Variants in TTC7B observed in about 807,000 individuals in gnomAD.
The protein encoded by TTC7B is tetratricopeptide repeat protein 7B.
TTC7B carries 28 observed loss-of-function variants against 106.8 expected under a neutral mutation model. The observed-to-expected ratio is 0.26, with a 90% CI of 0.19 to 0.36. The LOEUF (loss-of-function observed/expected upper bound fraction) is 0.36, where lower values mean the gene tolerates loss of function less well. TTC7B is among the 10% of genes least tolerant of loss of function. The pLI, the probability that TTC7B is intolerant of heterozygous loss-of-function variation, is 1.00. For synonymous variants in TTC7B, 405 were observed against 430.6 expected, an observed-to-expected ratio of 0.94 and a Z score of 0.74; for missense variants, 862 against 1,076.4, an observed-to-expected ratio of 0.80 and a Z score of 2.79.
intron 9 of TTC7B, among the ~76,000 whole-genome samples, chr14:90,660,418 AAAAG>A (rs1190965382): frequency 1.1e-3 from 151 of 138,328 alleles, no homozygotes; most frequent in Non-Finnish European, 1.9e-3. Context: ...AAAAAAAAAA[AAAAG>A]AAAAGAAAAG....
At chr14:90,815,978 C>G (rs2031155618) in intron 1 of TTC7B, among the ~76,000 whole-genome samples, 197 bp downstream of exon 1, 1 of 151,486 alleles carries the variant, frequency 6.6e-6, no homozygotes, top group Non-Finnish European at 1.5e-5. Context: ...GGCGCCCCCC[C>G]GGGCCCCCAC....
At chr14:90,668,049 C>T (rs1248436271) in intron 9 of TTC7B, among the ~76,000 whole-genome samples, 1 of 151,856 alleles carries the variant, frequency 6.6e-6, no homozygotes, top group East Asian at 1.9e-4. Context: ...CTTCATGTTT[C>T]CCCTTGGCTC....
At chr14:90,674,952 A>G (rs1269194595) in intron 9 of TTC7B, among the ~76,000 whole-genome samples, 1 of 152,192 alleles carries the variant, frequency 6.6e-6, no homozygotes, top group African/African-American at 2.4e-5. Context: ...GGAGCTACAT[A>G]TGATATCAAG....
At chr14:90,735,704 A>T (rs186409401) in intron 4 of TTC7B, among the ~76,000 whole-genome samples, 8,713 of 147,554 alleles carry the variant, frequency 0.059, 307 homozygotes, top group Non-Finnish European at 0.078. Flanking sequence ...TTTTTTAAAT[A>T]TTTTTTTTTT....
At chr14:90,804,160 C>A (rs1012925738) in intron 1 of TTC7B, among the ~76,000 whole-genome samples, 1 of 151,922 alleles carries the variant, frequency 6.6e-6, no homozygotes, top group South Asian at 2.1e-4. Flanking sequence ...ACGGTGAAAC[C>A]CCGTCTCTAC....
At chr14:90,700,555 TTA>T (rs1309693761) in intron 5 of TTC7B, among the ~76,000 whole-genome samples, 1 of 151,782 alleles carries the variant, frequency 6.6e-6, no homozygotes, top group East Asian at 2.0e-4. Context: ...GAGCACCATC[TTA>T]TATTCCCAGA....
rs138672526 is a variant in TTC7B at position 90,808,713 on chromosome 14, C to T, written c.121+7462G>A. Among the ~76,000 whole-genome samples, 33 of 152,302 alleles carry T rather than the reference C, an allele frequency of 2.2e-4. No homozygotes were observed. Among genetic ancestry groups the T allele is most frequent in the African/African-American group, 6.3e-4 (26 of 41,562 alleles). ...GAATGCTTTTGAGGTCTCAGAAAAC[C>T]TCATCCCTCTTCCTGGGCTTCCCAG... On this transcript the variant is annotated intron_variant, in intron 1 of 19. Transcript: ENST00000328459. The surrounding 1 kb of genome is among the most constrained non-coding windows in gnomAD (Gnocchi z 4.2).
intron 4 of TTC7B, among the ~76,000 whole-genome samples, chr14:90,737,245 T>C (rs1889570689): frequency 6.6e-6 from 1 of 152,160 alleles, no homozygotes; most frequent in Non-Finnish European, 1.5e-5. Context: ...AGTTACCACA[T>C]GACCCAGAAA....
chr14:90,694,665 A>G, intron 6 of TTC7B, among the ~76,000 whole-genome samples: 1 of 135,274 alleles, frequency 7.4e-6, no homozygotes, highest in South Asian at 2.3e-4. Flanking sequence ...TATTTATTAT[A>G]AATATATGTA....
At chr14:90,614,877 G>A (rs1181202240) in intron 16 of TTC7B, among the ~76,000 whole-genome samples, 2 of 152,202 alleles carry the variant, frequency 1.3e-5, no homozygotes, top group Non-Finnish European at 2.9e-5. Context: ...ACCTTCTGGT[G>A]AGATTCTGGT....
chr14:90,589,919 A>G (rs1856116986), intron 18 of TTC7B, among the ~76,000 whole-genome samples: 1 of 152,250 alleles, frequency 6.6e-6, no homozygotes, highest in South Asian at 2.1e-4. Flanking sequence ...TGGTCTAACC[A>G]TACAGTAGAC....
chr14:90,628,652 G>T (rs1329006869), intron 15 of TTC7B, among the ~76,000 whole-genome samples: 2 of 152,232 alleles, frequency 1.3e-5, no homozygotes, highest in African/African-American at 4.8e-5. Flanking sequence ...GCCTGGCAGG[G>T]CACTGGGAAG....
chr14:90,800,981 T>C (rs1414552824), intron 1 of TTC7B, among the ~76,000 whole-genome samples: 1 of 151,596 alleles, frequency 6.6e-6, no homozygotes, highest in Non-Finnish European at 1.5e-5. Context: ...TGCCCAGGAG[T>C]TTGAGACCAG....
intron 15 of TTC7B, among the ~76,000 whole-genome samples, chr14:90,636,677 A>T (rs2139871563): frequency 6.6e-6 from 1 of 152,206 alleles, no homozygotes; most frequent in South Asian, 2.1e-4. Context: ...ACCAATTTCA[A>T]ATGTATATAT....
chr14:90,628,629 T>C (rs1488837102), intron 15 of TTC7B, among the ~76,000 whole-genome samples: 5 of 152,086 alleles, frequency 3.3e-5, no homozygotes, highest in Non-Finnish European at 5.9e-5. Flanking sequence ...AGGAGGGAAC[T>C]AGGAAGGAAG....
intron 9 of TTC7B, among the ~76,000 whole-genome samples, chr14:90,658,872 G>A (rs1014740199): frequency 6.6e-6 from 1 of 152,154 alleles, no homozygotes; most frequent in African/African-American, 2.4e-5. Context: ...TGCCTGCCGT[G>A]GTGAGTAATC....
intron 19 of TTC7B, among the ~76,000 whole-genome samples, chr14:90,554,655 C>G (rs946972213): frequency 6.6e-6 from 1 of 152,188 alleles, no homozygotes; most frequent in African/African-American, 2.4e-5. Context: ...TGCCCCAGAG[C>G]CTCAGTCATT....
chr14:90,767,011 A>C, intron 3 of TTC7B: 1 of 985,498 alleles, frequency 1.0e-6, no homozygotes, highest in Non-Finnish European at 1.5e-6. Context: ...TTGTCTGTTA[A>C]TAAATAGTTT....
At chr14:90,646,477 G>A (rs1220405683) in intron 14 of TTC7B, among the ~76,000 whole-genome samples, 4 of 152,182 alleles carry the variant, frequency 2.6e-5, no homozygotes, top group African/African-American at 7.2e-5. Context: ...TGTTTTCCAC[G>A]TATTGTAAAG....
Sources: allele counts gnomAD v4.1 joint callset (sites outside exome capture counted in the v4.1 genomes callset), GRCh38; gene constraint gnomAD v4.1.1; non-coding constraint Gnocchi (gnomAD v3.1); transcripts MANE v1.5; gene names NCBI Gene and HGNC (gene_info 2026-07-23, HGNC 2026-07-21).